GRIN2A: variants seen among roughly 807,000 people sequenced by gnomAD.
The protein encoded by GRIN2A is glutamate receptor ionotropic, NMDA 2A.
In GRIN2A, 22 loss-of-function variants were observed where a neutral mutation model predicts 113.4. The ratio of observed to expected loss-of-function variants is 0.19; its 90% CI spans 0.14 to 0.28. GRIN2A has a LOEUF of 0.28. GRIN2A is among the 10% of genes least tolerant of loss of function. The pLI is 1.00. For synonymous variants in GRIN2A, 827 were observed against 738.4 expected (o/e 1.12, Z -1.94); for missense variants, 1,502 against 1,887.0 (o/e 0.80, Z 3.78).
chr16:10,085,796 A>C (rs2142067404), intron 2 of GRIN2A, among the ~76,000 whole-genome samples: 1 of 152,264 alleles, frequency 6.6e-6, no homozygotes, highest in South Asian at 2.1e-4. Flanking sequence ...CTCAGTTTTC[A>C]AGGTTTCTCT....
rs893623208 is a variant in GRIN2A, at chr16:10,162,514, C to T, written c.414+17484G>A. On this transcript the variant is annotated intron_variant, in intron 2 of 12. Coordinates refer to ENST00000330684, the MANE Select transcript of GRIN2A (RefSeq NM_001134407.3). ...AAGACAAGGGAGCTGCAGGATTGCT[C>T]CTCTGAAAACTGTCTCCTTGGCATA... is the stretch of plus-strand genomic sequence containing the variant. 3.3e-5 allele frequency among the ~76,000 whole-genome samples: 5 copies of T among 152,230 alleles called. 1 individual carries two copies. The highest frequency in any genetic ancestry group is 2.1e-4 in the South Asian group (1 of 4,824).
chr16:9,940,065 T>C (rs572306956), intron 2 of GRIN2A, among the ~76,000 whole-genome samples: 1 of 150,610 alleles, frequency 6.6e-6, no homozygotes, highest in Non-Finnish European at 1.5e-5. Context: ...AGAGAGAGTG[T>C]GTGTGTGTGT....
At chr16:9,952,601 T>C (rs1415013171) in intron 2 of GRIN2A, among the ~76,000 whole-genome samples, 4 of 152,174 alleles carry the variant, frequency 2.6e-5, no homozygotes, top group African/African-American at 4.8e-5. Flanking sequence ...TTACGTTCCA[T>C]ATAACTCATA....
At chr16:9,990,315 A>G (rs1019596914) in intron 2 of GRIN2A, among the ~76,000 whole-genome samples, 2 of 152,124 alleles carry the variant, frequency 1.3e-5, no homozygotes, top group Non-Finnish European at 2.9e-5. Context: ...CTCACTAATA[A>G]GTAGGAACTA....
chr16:9,862,957 C>A (rs2043095900), intron 4 of GRIN2A, among the ~76,000 whole-genome samples: 1 of 152,106 alleles, frequency 6.6e-6, no homozygotes, highest in Admixed American at 6.5e-5. Context: ...ACTGTGATCA[C>A]CCCAACGGGC....
At chr16:10,011,965 A>G (rs1014578560) in intron 2 of GRIN2A, among the ~76,000 whole-genome samples, 14 of 152,228 alleles carry the variant, frequency 9.2e-5, no homozygotes, top group African/African-American at 3.4e-4. Flanking sequence ...CATAGCATAG[A>G]TAAGAGGTCC....
intron 2 of GRIN2A, among the ~76,000 whole-genome samples, chr16:10,032,327 A>G (rs1405680441): frequency 3.3e-5 from 5 of 152,218 alleles, no homozygotes; most frequent in East Asian, 1.9e-4. Context: ...ATAAACAACA[A>G]TTGGCGCACA....
At chr16:9,979,542 C>T (rs2045845068) in intron 2 of GRIN2A, among the ~76,000 whole-genome samples, 1 of 152,028 alleles carries the variant, frequency 6.6e-6, no homozygotes, top group African/African-American at 2.4e-5. Flanking sequence ...GGGTCTTTGT[C>T]CATCAGTCTT....
intron 3 of GRIN2A, among the ~76,000 whole-genome samples, chr16:9,913,088 T>C (rs550180866): frequency 2.0e-5 from 3 of 152,228 alleles, no homozygotes; most frequent in Admixed American, 6.5e-5. Context: ...CTTCCACTGA[T>C]AGCTTAAAGT....
chr16:9,873,923 T>A (rs1328593704), intron 4 of GRIN2A, among the ~76,000 whole-genome samples: 1 of 152,234 alleles, frequency 6.6e-6, no homozygotes, highest in African/African-American at 2.4e-5. Flanking sequence ...GGAATTAGGA[T>A]TCTTCCGATT....
At chr16:10,045,132 C>G (rs189891958) in intron 2 of GRIN2A, among the ~76,000 whole-genome samples, 1 of 152,242 alleles carries the variant, frequency 6.6e-6, no homozygotes, top group East Asian at 1.9e-4. Context: ...GGTGACAGTT[C>G]CTTGCCAATT....
intron 2 of GRIN2A, among the ~76,000 whole-genome samples, chr16:10,057,915 T>G (rs1340550324): frequency 2.0e-5 from 3 of 152,212 alleles, no homozygotes; most frequent in Non-Finnish European, 4.4e-5. Flanking sequence ...GGCAGGCTGG[T>G]GAAGCCTTCA....
At chr16:10,038,689 AC>A (rs2047081939) in intron 2 of GRIN2A, among the ~76,000 whole-genome samples, 2 of 140,640 alleles carry the variant, frequency 1.4e-5, no homozygotes, top group African/African-American at 5.3e-5. Flanking sequence ...TATAAAAAAC[AC>A]AAAAAAAATT....
chr16:10,133,737 C>A (rs2049123469), intron 2 of GRIN2A, among the ~76,000 whole-genome samples: 2 of 152,202 alleles, frequency 1.3e-5, no homozygotes, highest in African/African-American at 4.8e-5. Context: ...AAGTTTCTCT[C>A]CAACTGTGGA....
At chr16:10,013,738 C>A (rs2046552772) in intron 2 of GRIN2A, among the ~76,000 whole-genome samples, 1 of 152,240 alleles carries the variant, frequency 6.6e-6, no homozygotes, top group African/African-American at 2.4e-5. Context: ...AACTACAAAT[C>A]ATCTAAACTC....
chr16:9,810,490 A>C (rs1357709340), intron 10 of GRIN2A, among the ~76,000 whole-genome samples: 3 of 152,182 alleles, frequency 2.0e-5, no homozygotes, highest in East Asian at 1.9e-4. Context: ...GGATCTTGAG[A>C]TAAAGTCATC....
chr16:10,056,022 C>T (rs1413080615), intron 2 of GRIN2A, among the ~76,000 whole-genome samples: 2 of 151,628 alleles, frequency 1.3e-5, no homozygotes, highest in Non-Finnish European at 1.5e-5. Flanking sequence ...TTCACACATA[C>T]ACTCCCTCAC....
intron 3 of GRIN2A, among the ~76,000 whole-genome samples, chr16:9,929,714 C>T (rs867359327): frequency 1.3e-5 from 2 of 152,194 alleles, no homozygotes; most frequent in Non-Finnish European, 2.9e-5. Context: ...ATAATTAGCA[C>T]ATGTCACCAA....
At chr16:9,964,623 C>T (rs1483738321) in intron 2 of GRIN2A, among the ~76,000 whole-genome samples, 3 of 152,188 alleles carry the variant, frequency 2.0e-5, no homozygotes, top group African/African-American at 4.8e-5. Flanking sequence ...TCAGAGGCTG[C>T]CCACATTCCT....
Sources: gnomAD v4.1 joint callset for allele counts (sites outside exome capture counted in the v4.1 genomes callset) on GRCh38, gnomAD v4.1.1 for gene constraint, MANE v1.5 for transcripts, NCBI Gene and HGNC (gene_info 2026-07-23, HGNC 2026-07-21) for gene names.